Variants in BEND7 observed in about 807,000 individuals in gnomAD.
BEND7 encodes the protein BEN domain-containing protein 7.
BEND7 carries 28 observed loss-of-function variants against 50.9 expected under a neutral mutation model. The observed-to-expected ratio is 0.55, with a 90% CI of 0.41 to 0.75. The LOEUF (loss-of-function observed/expected upper bound fraction) is 0.75, where lower values mean the gene tolerates loss of function less well. Ranked by LOEUF, BEND7 falls within the 30% of genes least tolerant of loss-of-function variation. The pLI is 0.00. For synonymous variants in BEND7, 170 were observed against 183.9 expected, an observed-to-expected ratio of 0.92 and a Z score of 0.61; for missense variants, 477 against 491.3, an observed-to-expected ratio of 0.97 and a Z score of 0.28.
chr10:13,474,271 C>T lies in BEND7; in HGVS notation c.1063+6628G>A, dbSNP rs541227875. Among the ~76,000 whole-genome samples, 10 of 151,966 alleles carry T rather than the reference C, an allele frequency of 6.6e-5. No individual in the cohort carries two copies. The South Asian group carries it at 1.5e-3, about 22-fold the overall frequency. On this transcript the variant is annotated intron_variant, in intron 6 of 8. Coordinates refer to ENST00000466271, the MANE Select transcript of BEND7 (RefSeq NM_001369863.1). Reference sequence around the variant, plus strand: ...CGACACCCATCATCGCCGTTGGACTCGGGGCTGATACCCGTCATCGCTGTT... The same window carrying T: ...CGACACCCATCATCGCCGTTGGACTTGGGGCTGATACCCGTCATCGCTGTT...
intron 2 of BEND7, among the ~76,000 whole-genome samples, chr10:13,501,305 T>C (rs1339533367): frequency 7.4e-6 from 1 of 135,244 alleles, no homozygotes; most frequent in African/African-American, 2.9e-5. Context: ...ACCCAGGAGG[T>C]AGAAGTTGTG....
chr10:13,520,790 A>G (rs761534590), intron 2 of BEND7, among the ~76,000 whole-genome samples: 34 of 152,180 alleles, frequency 2.2e-4, no homozygotes, highest in Non-Finnish European at 4.3e-4. Context: ...TAAATGAGAG[A>G]TGGAGTGCCC....
chr10:13,514,506 C>T (rs546441262), intron 2 of BEND7, among the ~76,000 whole-genome samples: 1 of 152,130 alleles, frequency 6.6e-6, no homozygotes. Context: ...TTGCAGATGA[C>T]GTGTGGGAAA....
intron 7 of BEND7, among the ~76,000 whole-genome samples, chr10:13,447,733 C>T (rs1402171918): frequency 2.6e-5 from 4 of 151,832 alleles, no homozygotes; most frequent in Admixed American, 6.6e-5. Flanking sequence ...TTAGTAGAGG[C>T]GGGGTTTCAC....
At chr10:13,468,327 T>C (rs2074457876) in intron 6 of BEND7, among the ~76,000 whole-genome samples, 1 of 152,116 alleles carries the variant, frequency 6.6e-6, no homozygotes, top group African/African-American at 2.4e-5. Flanking sequence ...CAGGCTTGTC[T>C]ATAAAGAGCG....
chr10:13,439,173 C>CAG (rs10590401), downstream of BEND7: 7 of 1,605,964 alleles, frequency 4.4e-6, no homozygotes, highest in Non-Finnish European at 6.0e-6. Flanking sequence ...AAGATAATTT[C>CAG]AGAGAGAGAG....
chr10:13,463,217 C>G (rs1225922878), intron 6 of BEND7, among the ~76,000 whole-genome samples: 1 of 152,146 alleles, frequency 6.6e-6, no homozygotes, highest in Non-Finnish European at 1.5e-5. Context: ...ACAAGCTTAG[C>G]ATTCCAATAA....
intron 6 of BEND7, among the ~76,000 whole-genome samples, chr10:13,465,307 T>C (rs2074120384): frequency 1.3e-5 from 2 of 152,216 alleles, no homozygotes; most frequent in South Asian, 4.1e-4. Flanking sequence ...CACCTAAAAA[T>C]GATGCCTTTA....
At chr10:13,457,291 C>T (rs1162999822) in intron 6 of BEND7, among the ~76,000 whole-genome samples, 1 of 152,226 alleles carries the variant, frequency 6.6e-6, no homozygotes, top group African/African-American at 2.4e-5. Context: ...GGACTCTCTG[C>T]TCCCATGTCA....
chr10:13,517,398 C>T (rs545670470), intron 2 of BEND7, among the ~76,000 whole-genome samples: 7 of 152,110 alleles, frequency 4.6e-5, no homozygotes, highest in Non-Finnish European at 7.4e-5. Context: ...GGAATCAGCT[C>T]GAAGAAGTAG....
At chr10:13,479,747 T>G (rs748188884) in intron 6 of BEND7, among the ~76,000 whole-genome samples, 2 of 152,258 alleles carry the variant, frequency 1.3e-5, no homozygotes, top group Non-Finnish European at 2.9e-5. Flanking sequence ...ACAACTCAAC[T>G]GTCACTTTAA....
Position 13,499,955 on chromosome 10 carries a change from G to A in BEND7, c.271C>T (p.Leu91=). 6.2e-7 allele frequency: 1 copy of A among 1,614,222 alleles called. No individual in the cohort carries two copies. The highest frequency in any genetic ancestry group is 8.5e-7 in the Non-Finnish European group (1 of 1,180,036). The part of the protein sequence containing the change: ...GEKLKEEPQD[L]DLVWPPRLNS... ...AAACGTGGAGGCCAGACTAAATCCA[G>A]GTCCTGGGGCTCTTCTTTTAGTTTC... is the stretch of plus-strand genomic sequence containing the variant. Residue 91 remains leucine, a synonymous_variant, in exon 3 of 9, where the codon CTG becomes TTG. Coordinates refer to ENST00000466271, the MANE Select transcript of BEND7 (RefSeq NM_001369863.1).
chr10:13,501,374 CAAA>C (rs58905816), intron 2 of BEND7, among the ~76,000 whole-genome samples: 29 of 72,944 alleles, frequency 4.0e-4, no homozygotes, highest in South Asian at 2.0e-3. Context: ...AACTCCATCT[CAAA>C]AAAAAAAAAA....
In BEND7 at chr10:13,514,828, C is replaced by A. The variant is rs551204179; in HGVS notation, c.145+11310G>T. Among the ~76,000 whole-genome samples the A allele has an allele frequency of 6.8e-4, 103 of 152,314 alleles. 1 individual carries two copies. Among genetic ancestry groups the A allele is most frequent in the African/African-American group, 1.9e-3 (81 of 41,570 alleles). On this transcript the variant is annotated intron_variant, in intron 2 of 8. Transcript: ENST00000466271. ...GAGTTAATGCAACAGAGGAACCTTA[C>A]TTTTGCATCTCCTGACTTTTTACTT...
chr10:13,490,005 T>A (rs1272286872), intron 5 of BEND7, among the ~76,000 whole-genome samples: 1 of 152,236 alleles, frequency 6.6e-6, no homozygotes, highest in East Asian at 1.9e-4. Flanking sequence ...CTCTGCCATT[T>A]TTGACATTTT....
At chr10:13,481,372 G>A (rs1041086560) in intron 5 of BEND7, among the ~76,000 whole-genome samples, 3 of 152,158 alleles carry the variant, frequency 2.0e-5, no homozygotes, top group Non-Finnish European at 4.4e-5. Context: ...AAATAGCCAA[G>A]AGAAGCCTGG....
chr10:13,449,248 G>A (rs1387471852), intron 7 of BEND7, among the ~76,000 whole-genome samples: 1 of 152,156 alleles, frequency 6.6e-6, no homozygotes, highest in Non-Finnish European at 1.5e-5. Flanking sequence ...ATTGGTTTGA[G>A]TGAGTTGGGG....
chr10:13,460,585 C>T (rs564095038), intron 6 of BEND7, among the ~76,000 whole-genome samples: 19 of 152,312 alleles, frequency 1.2e-4, no homozygotes, highest in African/African-American at 4.6e-4. Flanking sequence ...ATATGACCCC[C>T]GTGTTTGGAT....
At position 13,467,511 on chromosome 10, in the gene BEND7, T is replaced by A. The variant is rs1588748250; in HGVS notation, c.1063+13388A>T. Among the ~76,000 whole-genome samples, 3 of 152,380 alleles carry A rather than the reference T, an allele frequency of 2.0e-5. No homozygotes were observed. In the South Asian group the frequency reaches 6.2e-4, roughly 32 times the overall value. On this transcript the variant is annotated intron_variant, in intron 6 of 8. Coordinates refer to ENST00000466271, the MANE Select transcript of BEND7 (RefSeq NM_001369863.1). The stretch of plus-strand genomic sequence containing the variant: ...GAGGTTTCTCTTTGATATTTAACAA[T>A]GATCAATGCTTTCACAGCCCCATTA...
Sources: allele counts gnomAD v4.1 joint callset (sites outside exome capture counted in the v4.1 genomes callset), GRCh38; gene constraint gnomAD v4.1.1; transcripts MANE v1.5; gene names NCBI Gene and HGNC (gene_info 2026-07-23, HGNC 2026-07-21).